Variants in TTC23L observed in about 807,000 individuals in gnomAD.
TTC23L encodes the protein tetratricopeptide repeat protein 23-like.
In TTC23L, 42 loss-of-function variants were observed where a neutral mutation model predicts 48.1. The observed-to-expected ratio is 0.87, with a 90% CI of 0.68 to 1.13. The LOEUF is 1.13. TTC23L is among the 50% of genes most tolerant of loss of function. The pLI is 0.00. For missense variants in TTC23L, 391 were observed against 421.0 expected (o/e 0.93, Z 0.62); for synonymous variants, 159 against 157.2 (o/e 1.01, Z -0.09).
At chr5:34,856,107 C>T (rs1760112826) in intron 4 of TTC23L, among the ~76,000 whole-genome samples, 1 of 152,052 alleles carries the variant, frequency 6.6e-6, no homozygotes, top group Non-Finnish European at 1.5e-5. Flanking sequence ...CCTGAAATTG[C>T]CATTTTCAGA....
chr5:34,857,879 T>C (rs1227562754), intron 4 of TTC23L, among the ~76,000 whole-genome samples: 1 of 152,178 alleles, frequency 6.6e-6, no homozygotes, highest in African/African-American at 2.4e-5. Flanking sequence ...TAGACCCTGC[T>C]CTTTTAATTA....
At chr5:34,864,783 G>C (rs1760930449) in intron 6 of TTC23L, among the ~76,000 whole-genome samples, 1 of 152,160 alleles carries the variant, frequency 6.6e-6, no homozygotes. Context: ...TTTTATTAAA[G>C]GGGGGTGGTC....
At chr5:34,870,546 C>T (rs1761383069) in intron 8 of TTC23L, among the ~76,000 whole-genome samples, 1 of 152,076 alleles carries the variant, frequency 6.6e-6, no homozygotes, top group African/African-American at 2.4e-5. Flanking sequence ...AGGAATAGCA[C>T]CAATTCTACA....
chr5:34,900,998 T>C (rs182900901), downstream of TTC23L, among the ~76,000 whole-genome samples: 47 of 152,340 alleles, frequency 3.1e-4, no homozygotes, highest in African/African-American at 1.0e-3. Context: ...CTTGCATCTT[T>C]ACATTTGTTT....
chr5:34,848,347 C>T (rs1040904259), intron 3 of TTC23L, among the ~76,000 whole-genome samples: 12 of 152,092 alleles, frequency 7.9e-5, no homozygotes, highest in Non-Finnish European at 1.8e-4. Flanking sequence ...ATTATTTTCC[C>T]CAACCCATCT....
chr5:34,908,752 T>C, the TTC23L span: 1 of 1,577,710 alleles, frequency 6.3e-7, no homozygotes, highest in South Asian at 1.1e-5. Context: ...TAAATATCAG[T>C]GAATTGTCAT....
intron 9 of TTC23L, among the ~76,000 whole-genome samples, chr5:34,891,247 G>A (rs901048346): frequency 6.6e-6 from 1 of 152,196 alleles, no homozygotes; most frequent in South Asian, 2.1e-4. Flanking sequence ...TAGGTACAGA[G>A]TATACATTAC....
intron 9 of TTC23L, among the ~76,000 whole-genome samples, chr5:34,887,049 G>A (rs1428726210): frequency 1.3e-5 from 2 of 152,184 alleles, no homozygotes; most frequent in African/African-American, 4.8e-5. Context: ...TTTATTCAAA[G>A]TCAGAGGAAA....
At chr5:34,846,586 T>A (rs1232689028) in intron 3 of TTC23L, among the ~76,000 whole-genome samples, 2,111 of 79,574 alleles carry the variant, frequency 0.027, 161 homozygotes, top group African/African-American at 0.07. Context: ...AATATATATA[T>A]ATATATATAT....
chr5:34,909,338 A>T, the TTC23L span: 4 of 1,607,174 alleles, frequency 2.5e-6, no homozygotes, highest in Non-Finnish European at 3.4e-6. Context: ...AACTTCCTGC[A>T]TTTCCAAAAG....
intron 4 of TTC23L, among the ~76,000 whole-genome samples, chr5:34,851,279 C>T (rs377695901): frequency 3.2e-4 from 49 of 152,158 alleles, no homozygotes; most frequent in African/African-American, 1.2e-3. Flanking sequence ...TTGAAGGCTA[C>T]AGGAAAAGGG....
rs143275058 is a variant in TTC23L at position 34,853,508 on chromosome 5, C to T, written c.379+3200C>T. On this transcript the variant is annotated intron_variant, in intron 4 of 10. Coordinates refer to ENST00000505624, the Ensembl canonical transcript of TTC23L. ...TCGCACCACTGCACTCCAGCCTGGG[C>T]GACAGAGCGAGACTCTGTAGTAGTG... Among the ~76,000 whole-genome samples, 231 of 151,990 alleles carry T rather than the reference C, an allele frequency of 1.5e-3. 9 individuals are homozygous for T. The East Asian group carries it at 0.035, about 23-fold the overall frequency.
the TTC23L span, chr5:34,919,898 TA>T: frequency 9.8e-7 from 1 of 1,021,286 alleles, no homozygotes; most frequent in East Asian, 2.6e-5. Context: ...TTTTGGAAAG[TA>T]ATTGCAACAA....
At chr5:34,902,070 A>G (rs1763523952), downstream of TTC23L, among the ~76,000 whole-genome samples, 1 of 152,194 alleles carries the variant, frequency 6.6e-6, no homozygotes, top group Non-Finnish European at 1.5e-5. Context: ...TTGGGTTTGC[A>G]CTATAAATAA....
intron 8 of TTC23L, among the ~76,000 whole-genome samples, chr5:34,878,607 A>C (rs1007764178): frequency 6.6e-6 from 1 of 152,202 alleles, no homozygotes; most frequent in Non-Finnish European, 1.5e-5. Context: ...ACTTACTAAA[A>C]AACCACAGCA....
intron 8 of TTC23L, among the ~76,000 whole-genome samples, chr5:34,879,573 G>A (rs920941002): frequency 1.3e-5 from 2 of 152,178 alleles, no homozygotes; most frequent in Non-Finnish European, 1.5e-5. Context: ...ATACCTGGGA[G>A]TTTAATATGG....
chr5:34,900,861 G>A (rs994981171), downstream of TTC23L, among the ~76,000 whole-genome samples: 1 of 152,228 alleles, frequency 6.6e-6, no homozygotes, highest in Non-Finnish European at 1.5e-5. Context: ...GAGATGATTA[G>A]CATCACATAG....
At chr5:34,871,316 C>T (rs965805129) in intron 8 of TTC23L, among the ~76,000 whole-genome samples, 12 of 148,082 alleles carry the variant, frequency 8.1e-5, no homozygotes, top group African/African-American at 2.9e-4. Context: ...CACAATAGCC[C>T]CATCCCTGCA....
intron 8 of TTC23L, among the ~76,000 whole-genome samples, chr5:34,875,099 T>C (rs534978647): frequency 2.7e-4 from 41 of 152,310 alleles, no homozygotes; most frequent in South Asian, 1.0e-3. Flanking sequence ...AGGAAAGTTA[T>C]CAGGGACAAA....
Sources: allele counts gnomAD v4.1 joint callset (sites outside exome capture counted in the v4.1 genomes callset), GRCh38; gene constraint gnomAD v4.1.1; transcripts MANE v1.5; gene names NCBI Gene and HGNC (gene_info 2026-07-23, HGNC 2026-07-21).